The following UBA7 variants were observed in gnomAD, a reference collection of about 807,000 sequenced individuals.
UBA7 encodes ubiquitin like modifier activating enzyme 7.
UBA7 carries 88 observed loss-of-function variants against 113.0 expected under a neutral mutation model. The ratio of observed to expected loss-of-function variants is 0.78; its 90% CI spans 0.66 to 0.93. UBA7 has a LOEUF of 0.93. UBA7 is among the 40% of genes least tolerant of loss of function. The pLI, the probability that UBA7 is intolerant of heterozygous loss-of-function variation, is 0.00. For synonymous variants in UBA7, 459 were observed against 513.0 expected (o/e 0.89, Z 1.42); for missense variants, 1,092 against 1,266.4 (o/e 0.86, Z 2.09).
At position 49,810,176 on chromosome 3, in the gene UBA7, A is replaced by G. The variant is rs1035199837; in HGVS notation, c.1641T>C (p.Tyr547=). The G allele has an allele frequency of 2.5e-6, 4 of 1,613,214 alleles. No individual in the cohort carries two copies. Among genetic ancestry groups the G allele is most frequent in the Non-Finnish European group, 3.4e-6 (4 of 1,179,842 alleles). The change falls in exon 14 of 24, where the codon TAT becomes TAC. Residue 547 remains tyrosine, a synonymous_variant. Coordinates refer to ENST00000333486, the MANE Select transcript of UBA7 (RefSeq NM_003335.3). This position sits in a 1 kb window ranked among gnomAD's most constrained non-coding sequence, Gnocchi z 5.6. ...GATAGTGGGTGCAACGAGCAGCCAC[A>G]TAGCGCCCTGGCAAGGGAGCAGTGG... is the stretch of plus-strand genomic sequence containing the variant. ...AALDSFQARR[Y]VAARCTHYLK... is the part of the protein sequence containing the mutation.
Position 49,805,327 on chromosome 3 carries a change from G to A in UBA7, c.3020C>T (p.Pro1007Leu), listed in dbSNP as rs1559430114. The A allele has an allele frequency of 6.2e-7, 1 of 1,613,958 alleles. No homozygotes were observed. ...GCCTTGTCACAGCTCATAGTGCAGAGGTGGGAAGGCAGTGTCCTCGTCGTC... is the reference window on the plus strand; with the variant it reads ...GCCTTGTCACAGCTCATAGTGCAGAAGTGGGAAGGCAGTGTCCTCGTCGTC... The part of the protein sequence containing the change: ...EGDDEDTAFP[P>L]LHYEL The change falls in exon 24 of 24, where the codon CCT becomes CTT. Residue 1007 changes from proline to leucine, a missense_variant. By Grantham distance (98) the Pro-to-Leu change is moderately conservative. Around this residue, in one of 3 missense-constraint regions of UBA7, gnomAD observed 500 missense variants for 529.3 expected, o/e 0.94. Coordinates refer to ENST00000333486, the MANE Select transcript of UBA7 (RefSeq NM_003335.3).
rs2081485570 is a variant in UBA7, at chr3:49,808,100, T to C, written c.2443A>G (p.Asn815Asp). 6.2e-7 allele frequency: 1 copy of C among 1,613,968 alleles called. No individual in the cohort carries two copies. Among genetic ancestry groups the C allele is most frequent in the African/African-American group, 1.3e-5 (1 of 74,946 alleles). ...GCTACCACAAAGTCCACATGGAAGT[T>C]GCTGTCATCATCCTGTAAGGCCCAA... ...PLMFEKDDDS[N>D]FHVDFVVAAA... The change falls in exon 20 of 24, where the codon AAC becomes GAC. Residue 815 changes from asparagine (N) to aspartate (D), a missense_variant. Coordinates refer to ENST00000333486, the MANE Select transcript of UBA7 (RefSeq NM_003335.3).
rs1402727812 is a variant in UBA7, at chr3:49,810,870, C to A, written c.1231-38G>T. On this transcript the variant is annotated intron_variant, in intron 10 of 23. Coordinates refer to ENST00000333486, the MANE Select transcript of UBA7 (RefSeq NM_003335.3). This position sits in a 1 kb window ranked among gnomAD's most constrained non-coding sequence, Gnocchi z 5.6. ...GACGGGGTCAGTGATGGCTACTGGC[C>A]TGCATCTCCTTCTTATACTGAGTTT... 2 of 1,612,908 alleles carry A rather than the reference C, an allele frequency of 1.2e-6. No individual in the cohort carries two copies. The highest frequency in any genetic ancestry group is 2.2e-5 in the South Asian group (2 of 91,050).
At position 49,813,797 on chromosome 3, in the gene UBA7, T is replaced by G; in HGVS notation, c.-10A>C. Reference sequence around the variant, plus strand: ...CGTCCAGGGCATCCATCCTCAAACCTGGGGCTGAACAGTAGGCTGCAGCGC... The same window carrying G: ...CGTCCAGGGCATCCATCCTCAAACCGGGGGCTGAACAGTAGGCTGCAGCGC... On this transcript the variant is annotated 5_prime_UTR_variant, in exon 1 of 24. Transcript: ENST00000333486. 1 of 1,614,118 alleles carries G rather than the reference T, an allele frequency of 6.2e-7. No individual in the cohort carries two copies. The highest frequency in any genetic ancestry group is 1.1e-5 in the South Asian group (1 of 91,080).
chr3:49,813,224 T>C (rs1224923499), intron 3 of UBA7, 25 bp downstream of exon 3: 1 of 1,613,850 alleles, frequency 6.2e-7, no homozygotes, highest in Non-Finnish European at 8.5e-7. Context: ...CTTCCTGCTC[T>C]TGAGGGCTGC....
chr3:49,806,182 GA>G lies in UBA7; in HGVS notation c.2716-18del. The stretch of plus-strand genomic sequence containing the variant: ...GTGATGGAACTGGGATGAGGTAGAG[GA>G]GGAGTCAGAGACTTCTTACCTCCCC... On this transcript the variant is annotated intron_variant, in intron 21 of 23. Coordinates refer to ENST00000333486, the MANE Select transcript of UBA7 (RefSeq NM_003335.3). The G allele has an allele frequency of 6.4e-7, 1 of 1,572,334 alleles. No homozygotes were observed. Among genetic ancestry groups the G allele is most frequent in the African/African-American group, 1.3e-5 (1 of 74,272 alleles).
Position 49,807,651 on chromosome 3 carries a change from C to A in UBA7, c.2715+85G>T. On this transcript the variant is annotated intron_variant, in intron 21 of 23. Coordinates refer to ENST00000333486, the MANE Select transcript of UBA7 (RefSeq NM_003335.3). This position sits in a 1 kb window ranked among gnomAD's most constrained non-coding sequence, Gnocchi z 4.0. ...TGCACAGTCTGAGTTTCAGTGAGAG[C>A]CGGCAGCTAGATTGGGGCCTGTATG... 6.8e-7 allele frequency: 1 copy of A among 1,472,546 alleles called. No homozygotes were observed. Among genetic ancestry groups the A allele is most frequent in the Non-Finnish European group, 9.1e-7 (1 of 1,099,220 alleles). 91.2% of individuals were successfully genotyped at this position (1,472,546 alleles called of 1,614,324 possible).
Position 49,805,215 on chromosome 3 carries a change from T to C in UBA7, c.*93A>G, listed in dbSNP as rs1393730538. 2 of 1,334,700 alleles carry C rather than the reference T, an allele frequency of 1.5e-6. No homozygotes were observed. The highest frequency in any genetic ancestry group is 2.1e-6 in the Non-Finnish European group (2 of 946,510). 82.7% of individuals were successfully genotyped at this position (1,334,700 alleles called of 1,614,324 possible). A position where few individuals can be genotyped will look rare whatever the true frequency, so the allele number is the denominator to read the frequency against. ...CCATCCTCTCTGCAATGCCTTCCTT[T>C]AACAAGCATTTATTGAGTGCCTACT... is the stretch of plus-strand genomic sequence containing the variant. On this transcript the variant is annotated 3_prime_UTR_variant, in exon 24 of 24. Coordinates refer to ENST00000333486, the MANE Select transcript of UBA7 (RefSeq NM_003335.3).
At chr3:49,806,435 G>A in intron 21 of UBA7, 1 of 561,234 alleles carries the variant, frequency 1.8e-6, no homozygotes, top group Non-Finnish European at 3.2e-6. Context: ...GGATGAGGGG[G>A]TGGTGCTTCC....
Position 49,813,250 on chromosome 3 carries a change from T to C in UBA7, c.359A>G (p.Gln120Arg). Residue 120 changes from glutamine (Q) to arginine (R), a missense_variant and splice_region_variant, in exon 3 of 24, where the codon CAG becomes CGG. Transcript: ENST00000333486. ...DITEDLLLDFQVVVLTAAKLE... is the reference protein window; with the variant it reads ...DITEDLLLDFRVVVLTAAKLE... Reference sequence around the variant, plus strand: ...TGAGGGCTGCAGGCCTGAGCTGACCTGGAAGTCCAACAGCAGGTCCTCAGT... The same window carrying C: ...TGAGGGCTGCAGGCCTGAGCTGACCCGGAAGTCCAACAGCAGGTCCTCAGT... 1 of 1,613,980 alleles carries C rather than the reference T, an allele frequency of 6.2e-7. No individual in the cohort carries two copies. The highest frequency in any genetic ancestry group is 1.1e-5 in the South Asian group (1 of 91,060).
Position 49,805,376 on chromosome 3 carries a change from C to G in UBA7, c.2971G>C (p.Val991Leu). The G allele has an allele frequency of 1.2e-6, 2 of 1,613,900 alleles. No homozygotes were observed. Among genetic ancestry groups the G allele is most frequent in the East Asian group, 2.2e-5 (1 of 44,850 alleles). The change falls in exon 24 of 24, where the codon GTG becomes CTG. Residue 991 changes from valine (V) to leucine (L), a missense_variant. Val to Leu is a conservative substitution (Grantham distance 32, BLOSUM62 1). This residue lies in a region of UBA7 where 500 missense variants were observed against 529.3 expected (regional missense o/e 0.94). Transcript: ENST00000333486. The stretch of plus-strand genomic sequence containing the variant: ...TCACCCTCACAGCTCAGCTCTAGCA[C>G]CAACACCCGCTGCCCAGGAGCAGGT... ...QAPAPGQRVLVLELSCEGDDE... is the reference protein window; with the variant it reads ...QAPAPGQRVLLLELSCEGDDE...
rs1420794866 is a variant in UBA7, at chr3:49,805,953, G to A, written c.2853C>T (p.Ala951=). 8.3e-6 allele frequency: 13 copies of A among 1,565,354 alleles called. No individual in the cohort carries two copies. Among genetic ancestry groups the A allele is most frequent in the Non-Finnish European group, 1.0e-5 (12 of 1,154,924 alleles). ...LRVRILLHGS[A]LLYAAGWSPE... ...GTGACCATCCGGCCGCATAGAGCAG[G>A]GCTGAGCCGTGCAGCAGGATCCTCA... The change falls in exon 23 of 24, where the codon GCC becomes GCT. Residue 951 remains alanine, a synonymous_variant. Coordinates refer to ENST00000333486, the MANE Select transcript of UBA7 (RefSeq NM_003335.3).
In UBA7 at chr3:49,806,116, C is replaced by G. The variant is rs1166410522; in HGVS notation, c.2765G>C (p.Gly922Ala). The G allele has an allele frequency of 1.2e-6, 2 of 1,601,320 alleles. No individual in the cohort carries two copies. Among genetic ancestry groups the G allele is most frequent in the Non-Finnish European group, 8.5e-7 (1 of 1,174,528 alleles). Residue 922 changes from glycine (G) to alanine (A), a missense_variant, in exon 22 of 24, where the codon GGG (glycine) becomes GCG (alanine). By Grantham distance (60) the Gly-to-Ala change is moderately conservative (BLOSUM62 0). This residue lies in a region of UBA7 where 500 missense variants were observed against 529.3 expected (regional missense o/e 0.94). Transcript: ENST00000333486. ...CGACTCCAGGGTCCTCTCAGGCTGCCCAGCTGGTACCTTCAGACGGTCCCA... is the reference window on the plus strand; with the variant it reads ...CGACTCCAGGGTCCTCTCAGGCTGCGCAGCTGGTACCTTCAGACGGTCCCA... ...TSWDRLKVPA[G>A]QPERTLESLL...
In UBA7 at chr3:49,811,691, C is replaced by T. The variant is rs775516919; in HGVS notation, c.939+179G>A. On this transcript the variant is annotated intron_variant, in intron 8 of 23. Transcript: ENST00000333486. Reference sequence around the variant, plus strand: ...AGCTTCCAGCACAGATCTGAGGGGTCGGGGTGTAGCAGGAGTCCCCAGGAT... The same window carrying T: ...AGCTTCCAGCACAGATCTGAGGGGTTGGGGTGTAGCAGGAGTCCCCAGGAT... 89 of 1,187,432 alleles carry T rather than the reference C, an allele frequency of 7.5e-5. 1 individual carries two copies. In the Admixed American group the frequency reaches 1.6e-3, roughly 22 times the overall value. 73.6% of individuals were successfully genotyped at this position (1,187,432 alleles called of 1,614,324 possible).
rs1438932512 is a variant in UBA7 at position 49,806,011 on chromosome 3, G to C, written c.2809-14C>G. ...CCCGTGCTGCTCCTAGAGGAGAAAG[G>C]TCAGACACCAGCTGGGCCGGGCTGG... is the stretch of plus-strand genomic sequence containing the variant. On this transcript the variant is annotated splice_polypyrimidine_tract_variant and intron_variant, in intron 22 of 23. Coordinates refer to ENST00000333486, the MANE Select transcript of UBA7 (RefSeq NM_003335.3). The C allele has an allele frequency of 1.3e-6, 2 of 1,566,702 alleles. No individual in the cohort carries two copies. The highest frequency in any genetic ancestry group is 1.4e-5 in the African/African-American group (1 of 73,840).
At position 49,812,714 on chromosome 3, in the gene UBA7, C is replaced by T. The variant is rs754873022; in HGVS notation, c.492G>A (p.Glu164=). 3.1e-6 allele frequency: 5 copies of T among 1,614,206 alleles called. No individual in the cohort carries two copies. The East Asian group carries it at 8.9e-5, about 29-fold the overall frequency. ...CTGTGGGGTCCTGCACAGTGAAGTC[C>T]TCACCAAAGTCACAGAACAACTGCC... ...LVGQLFCDFG[E]DFTVQDPTEA... The change falls in exon 5 of 24, where the codon GAG becomes GAA. Residue 164 remains glutamate, a synonymous_variant. Coordinates refer to ENST00000333486, the MANE Select transcript of UBA7 (RefSeq NM_003335.3).
intron 19 of UBA7, 112 bp from the exon 20 acceptor site, chr3:49,808,224 A>C (rs770559063): frequency 2.3e-5 from 35 of 1,521,890 alleles, no homozygotes; most frequent in Non-Finnish European, 3.0e-5. Flanking sequence ...GTTGCCCCAC[A>C]TCTCCTCTTG....
At chr3:49,808,543 C>T (rs2108299781) in intron 18 of UBA7, 75 bp from the exon 19 acceptor site, 1 of 1,505,360 alleles carries the variant, frequency 6.6e-7, no homozygotes, top group Admixed American at 1.9e-5. Context: ...TGTGCCTATT[C>T]TTGGTCTTTG....
Position 49,807,720 on chromosome 3 carries a change from G to A in UBA7, c.2715+16C>T, listed in dbSNP as rs778235456. 2.5e-6 allele frequency: 4 copies of A among 1,593,554 alleles called. No homozygotes were observed. Among genetic ancestry groups the A allele is most frequent in the Admixed American group, 3.4e-5 (2 of 58,688 alleles). On this transcript the variant is annotated intron_variant, in intron 21 of 23. Coordinates refer to ENST00000333486, the MANE Select transcript of UBA7 (RefSeq NM_003335.3). This position sits in a 1 kb window ranked among gnomAD's most constrained non-coding sequence, Gnocchi z 4.0. Reference sequence around the variant, plus strand: ...CCAGGCCTAGTAGGGCTAAGGGTGGGGTATCATGGGCTCACCGTCTGGATG... The same window carrying A: ...CCAGGCCTAGTAGGGCTAAGGGTGGAGTATCATGGGCTCACCGTCTGGATG...
Sources: allele counts gnomAD v4.1 joint callset, GRCh38; gene constraint gnomAD v4.1.1; regional missense constraint gnomAD v4.1.1; non-coding constraint Gnocchi (gnomAD v3.1); transcripts MANE v1.5; gene names NCBI Gene and HGNC (gene_info 2026-07-23, HGNC 2026-07-21).